Variants in CYTH1 observed in about 807,000 individuals in gnomAD.
The protein encoded by CYTH1 is cytohesin 1, also known as cytohesin-1.
Under a neutral mutation model 61.8 loss-of-function variants are expected in CYTH1, and 18 were observed. That is an observed-to-expected ratio of 0.29 (90% CI 0.20 to 0.43). The LOEUF is 0.43. Ranked by LOEUF, CYTH1 falls within the 20% of genes least tolerant of loss-of-function variation. The pLI is 1.00. For missense variants in CYTH1, 336 were observed against 510.5 expected (o/e 0.66, Z 3.29); for synonymous variants, 174 against 184.3 (o/e 0.94, Z 0.45).
rs182550293 is a variant in CYTH1, at chr17:78,760,494, T to C, written c.22+21708A>G. ...ATGTATATATATGTATGTATATATA[T>C]ATACATATATATGTATATATATGTA... On this transcript the variant is annotated intron_variant, in intron 1 of 13. Transcript: ENST00000446868. 2.7e-3 allele frequency among the ~76,000 whole-genome samples: 136 copies of C among 49,604 alleles called. 14 individuals carry two copies. The East Asian group carries it at 0.043, about 16-fold the overall frequency. 32.5% of individuals were successfully genotyped at this position (49,604 alleles called of 152,430 possible).
chr17:78,755,933 A>G (rs1363372807), intron 1 of CYTH1, among the ~76,000 whole-genome samples: 1 of 151,994 alleles, frequency 6.6e-6, no homozygotes, highest in East Asian at 1.9e-4. Flanking sequence ...AAACAAAAAA[A>G]GAAAAACAAA....
intron 1 of CYTH1, among the ~76,000 whole-genome samples, chr17:78,756,988 CTTTTTTTTT>C (rs869039489): frequency 2.3e-5 from 3 of 129,766 alleles, no homozygotes; most frequent in Admixed American, 7.8e-5. Context: ...TCTTTTTTTT[CTTTTTTTTT>C]TTTTTTTTTG....
At chr17:78,762,483 G>C (rs1453752304) in intron 1 of CYTH1, among the ~76,000 whole-genome samples, 4 of 152,144 alleles carry the variant, frequency 2.6e-5, no homozygotes, top group Admixed American at 2.6e-4. Flanking sequence ...ACATTCCATG[G>C]GCAAAGGCAC....
intron 11 of CYTH1, among the ~76,000 whole-genome samples, chr17:78,684,403 G>T (rs1257882392): frequency 6.6e-6 from 1 of 152,212 alleles, no homozygotes; most frequent in African/African-American, 2.4e-5. Context: ...ACTTTCACTG[G>T]ACTCTGGCAG....
At chr17:78,777,830 C>CAAAAAAAAAAAAAAAAAAA (rs201636454) in intron 1 of CYTH1, among the ~76,000 whole-genome samples, 1 of 71,908 alleles carries the variant, frequency 1.4e-5, no homozygotes. Flanking sequence ...ATTAAAAATA[C>CAAAAAAAAAAAAAAAAAAA]AAAAAAAAAA....
intron 11 of CYTH1, among the ~76,000 whole-genome samples, chr17:78,687,793 C>T (rs1348643541): frequency 6.6e-6 from 1 of 152,232 alleles, no homozygotes; most frequent in Non-Finnish European, 1.5e-5. Flanking sequence ...TAGGTTTAAT[C>T]TGTCACACAA....
chr17:78,702,846 A>G (rs1464096657), intron 3 of CYTH1, among the ~76,000 whole-genome samples: 1 of 151,932 alleles, frequency 6.6e-6, no homozygotes, highest in Non-Finnish European at 1.5e-5. Context: ...TTTTTGAGAC[A>G]GGGTCTCTCT....
At chr17:78,728,738 G>A (rs1053345821) in intron 1 of CYTH1, among the ~76,000 whole-genome samples, 2 of 152,080 alleles carry the variant, frequency 1.3e-5, no homozygotes, top group African/African-American at 4.8e-5. Flanking sequence ...AAACTGCAAC[G>A]GAAGAAAAAG....
intron 7 of CYTH1, 74 bp from the exon 8 acceptor site, chr17:78,699,042 A>G: frequency 6.5e-7 from 1 of 1,543,144 alleles, no homozygotes; most frequent in South Asian, 1.2e-5. Flanking sequence ...CGCAAGAGCA[A>G]GAGTGGTATC....
At chr17:78,702,644 C>T (rs2093024065) in intron 3 of CYTH1, 40 bp from the exon 4 acceptor site, 1 of 1,593,992 alleles carries the variant, frequency 6.3e-7, no homozygotes, top group South Asian at 1.1e-5. Context: ...TACTTCAGGC[C>T]ATCGGAAAGG....
intron 1 of CYTH1, among the ~76,000 whole-genome samples, chr17:78,744,143 C>T (rs953562852): frequency 2.0e-5 from 3 of 152,164 alleles, no homozygotes; most frequent in South Asian, 2.1e-4. Flanking sequence ...GATTTTCACT[C>T]GCTCTCTGTA....
rs534112053 is a variant in CYTH1 at position 78,763,134 on chromosome 17, A to G, written c.22+19068T>C. ...AGAGGTATGTGGATCACCTGAGGTC[A>G]GGGGTTCGAGACCAGCCTGGCCAAC... is the stretch of plus-strand genomic sequence containing the variant. On this transcript the variant is annotated intron_variant, in intron 1 of 13. Transcript: ENST00000446868. Among the ~76,000 whole-genome samples, 153 of 152,198 alleles carry G rather than the reference A, an allele frequency of 1.0e-3. 1 individual carries two copies. The highest frequency in any genetic ancestry group is 3.6e-3 in the African/African-American group (151 of 41,536).
intron 11 of CYTH1, among the ~76,000 whole-genome samples, chr17:78,688,129 C>T (rs896475129): frequency 1.3e-5 from 2 of 152,318 alleles, no homozygotes; most frequent in Admixed American, 1.3e-4. Context: ...ACTGCATAGA[C>T]TCACATTTAG....
chr17:78,761,375 T>A (rs2093427947), intron 1 of CYTH1, among the ~76,000 whole-genome samples: 1 of 152,148 alleles, frequency 6.6e-6, no homozygotes, highest in Non-Finnish European at 1.5e-5. Context: ...CAATTGACCT[T>A]GGGAACGTGA....
chr17:78,715,395 T>C (rs968900685), intron 1 of CYTH1, among the ~76,000 whole-genome samples: 1 of 152,144 alleles, frequency 6.6e-6, no homozygotes, highest in Admixed American at 6.5e-5. Context: ...AAGAAGCTAC[T>C]TCAGGAGCAA....
intron 13 of CYTH1, 149 bp downstream of exon 13, chr17:78,680,041 G>T: frequency 1.8e-6 from 2 of 1,091,430 alleles, no homozygotes; most frequent in Non-Finnish European, 2.5e-6. Context: ...CTCCTGGGAA[G>T]CCGTCAGCTG....
Position 78,709,559 on chromosome 17 carries a change from G to A in CYTH1, c.105+91C>T, listed in dbSNP as rs113629865. On this transcript the variant is annotated intron_variant, in intron 2 of 13. Transcript: ENST00000446868. ...AGTGAGGGCAGGTCAAAAGTGTCTT[G>A]AGGAGACACTCTGCAAAGGACACCC... 43 of 1,343,884 alleles carry A rather than the reference G, an allele frequency of 3.2e-5. 2 individuals carry two copies. Among genetic ancestry groups the A allele is most frequent in the African/African-American group, 2.7e-4 (19 of 69,530 alleles). 83.2% of individuals were successfully genotyped at this position (1,343,884 alleles called of 1,614,324 possible).
At chr17:78,771,533 C>T (rs188457335) in intron 1 of CYTH1, among the ~76,000 whole-genome samples, 1 of 152,080 alleles carries the variant, frequency 6.6e-6, no homozygotes, top group African/African-American at 2.4e-5. Context: ...GAGATAGACA[C>T]CATCCTGGCC....
chr17:78,720,068 T>C (rs1337464015), intron 1 of CYTH1, among the ~76,000 whole-genome samples: 2 of 151,712 alleles, frequency 1.3e-5, no homozygotes, highest in South Asian at 4.2e-4. Flanking sequence ...AGACAGACAG[T>C]GGGATGGATG....
Sources: allele counts gnomAD v4.1 joint callset (sites outside exome capture counted in the v4.1 genomes callset), GRCh38; gene constraint gnomAD v4.1.1; transcripts MANE v1.5; gene names NCBI Gene and HGNC (gene_info 2026-07-23, HGNC 2026-07-21).